Variants in PTPN11 observed in about 807,000 individuals in gnomAD.
PTPN11 encodes the protein tyrosine-protein phosphatase non-receptor type 11.
Under a neutral mutation model 78.8 loss-of-function variants are expected in PTPN11, and 6 were observed. The observed-to-expected ratio is 0.08, with a 90% CI of 0.04 to 0.15. The LOEUF is 0.15. Among genes scored for constraint, PTPN11 ranks in the 10% least tolerant of loss-of-function variants. PTPN11 has a pLI of 1.00. For missense variants in PTPN11, 386 were observed against 744.8 expected, an observed-to-expected ratio of 0.52 and a Z score of 5.61; for synonymous variants, 221 against 263.5, an observed-to-expected ratio of 0.84 and a Z score of 1.56.
rs1032356862 is a variant in PTPN11, at chr12:112,497,141, C to T, written c.1600-5003C>T. ...GAGCTGAGATTGAGCCACTGCACTCCAGTCTGGGCGACAGAGCGAGACTCT... is the reference window on the plus strand; with the variant it reads ...GAGCTGAGATTGAGCCACTGCACTCTAGTCTGGGCGACAGAGCGAGACTCT... On this transcript the variant is annotated intron_variant, in intron 13 of 15. Coordinates refer to ENST00000351677, the MANE Select transcript of PTPN11 (RefSeq NM_002834.5). Among the ~76,000 whole-genome samples, 4 of 145,342 alleles carry T rather than the reference C, an allele frequency of 2.8e-5. No individual in the cohort carries two copies. In the Admixed American group the frequency reaches 2.8e-4, roughly 10 times the overall value.
intron 1 of PTPN11, among the ~76,000 whole-genome samples, chr12:112,435,069 A>G (rs533340629): frequency 6.6e-6 from 1 of 151,828 alleles, no homozygotes; most frequent in African/African-American, 2.4e-5. Context: ...CCCAGGCTGG[A>G]GCTCAGTGGC....
intron 13 of PTPN11, among the ~76,000 whole-genome samples, chr12:112,501,593 C>G (rs1408245187): frequency 6.6e-6 from 1 of 152,178 alleles, no homozygotes; most frequent in Non-Finnish European, 1.5e-5. Flanking sequence ...CCACTGCACA[C>G]TAGCCTGAAC....
At chr12:112,434,792 G>T (rs1006835542) in intron 1 of PTPN11, among the ~76,000 whole-genome samples, 17 of 151,906 alleles carry the variant, frequency 1.1e-4, no homozygotes, top group Non-Finnish European at 2.2e-4. Context: ...TTGTGGGTTT[G>T]TTTGTTTTTT....
At chr12:112,420,147 A>G (rs2037499116) in intron 1 of PTPN11, among the ~76,000 whole-genome samples, 1 of 152,070 alleles carries the variant, frequency 6.6e-6, no homozygotes, top group Admixed American at 6.6e-5. Context: ...TGTAAGCCTT[A>G]ATTTTGTTGT....
intron 1 of PTPN11, among the ~76,000 whole-genome samples, chr12:112,434,953 A>G (rs2037767277): frequency 6.6e-6 from 1 of 151,508 alleles, no homozygotes; most frequent in South Asian, 2.1e-4. Flanking sequence ...TGCCCAGTTA[A>G]TTTTTGTATT....
At chr12:112,468,559 A>G (rs1276834833) in intron 6 of PTPN11, among the ~76,000 whole-genome samples, 1 of 152,178 alleles carries the variant, frequency 6.6e-6, no homozygotes, top group African/African-American at 2.4e-5. Flanking sequence ...TTGGTGCACT[A>G]GGGAAGGAGC....
intron 1 of PTPN11, among the ~76,000 whole-genome samples, 178 bp downstream of exon 1, chr12:112,419,303 G>GC (rs1341722766): frequency 2.6e-5 from 4 of 151,954 alleles, no homozygotes; most frequent in African/African-American, 9.7e-5. Context: ...GCCCCACCGC[G>GC]CCCCCACCCC....
At chr12:112,433,707 T>C (rs1233149198) in intron 1 of PTPN11, among the ~76,000 whole-genome samples, 1 of 152,186 alleles carries the variant, frequency 6.6e-6, no homozygotes, top group African/African-American at 2.4e-5. Flanking sequence ...TCTCAACACT[T>C]TGGGTGGCCA....
chr12:112,508,345 GTTTAC>G lies in PTPN11; in HGVS notation c.*2559_*2563del, dbSNP rs1191873668. 1 of 152,408 alleles carries G rather than the reference GTTTAC, an allele frequency of 6.6e-6. No individual in the cohort carries two copies. Among genetic ancestry groups the G allele is most frequent in the African/African-American group, 2.4e-5 (1 of 41,568 alleles). 9.4% of individuals were successfully genotyped at this position (152,408 alleles called of 1,614,324 possible). A position where few individuals can be genotyped will look rare whatever the true frequency, so the allele number is the denominator to read the frequency against. On this transcript the variant is annotated 3_prime_UTR_variant, in exon 16 of 16. Coordinates refer to ENST00000351677, the MANE Select transcript of PTPN11 (RefSeq NM_002834.5). ...AAGGTGATCGCAGGTTCTCAGACGAGTTTACTTTACATGAGATGGAATCAGGCAGA... is the reference window on the plus strand; with the variant it reads ...AAGGTGATCGCAGGTTCTCAGACGAGTTTACATGAGATGGAATCAGGCAGA...
intron 1 of PTPN11, among the ~76,000 whole-genome samples, chr12:112,419,590 G>T (rs1301478677): frequency 2.0e-5 from 3 of 152,222 alleles, no homozygotes; most frequent in Non-Finnish European, 4.4e-5. Context: ...TGCCACTTTC[G>T]TGCATTTGGG....
chr12:112,490,995 C>T (rs548207501), intron 13 of PTPN11, among the ~76,000 whole-genome samples: 5 of 152,030 alleles, frequency 3.3e-5, no homozygotes, highest in South Asian at 2.1e-4. Flanking sequence ...TTCTAAAATA[C>T]AGTCATTTCT....
At chr12:112,501,351 T>G (rs2038872450) in intron 13 of PTPN11, among the ~76,000 whole-genome samples, 1 of 152,094 alleles carries the variant, frequency 6.6e-6, no homozygotes, top group Non-Finnish European at 1.5e-5. Flanking sequence ...CAGGTGTGTG[T>G]TGGCTCATGC....
At chr12:112,484,196 T>G (rs2038639862) in intron 10 of PTPN11, among the ~76,000 whole-genome samples, 1 of 151,906 alleles carries the variant, frequency 6.6e-6, no homozygotes, top group Non-Finnish European at 1.5e-5. Context: ...ATAGAATATA[T>G]GAAGAAAGGG....
intron 2 of PTPN11, among the ~76,000 whole-genome samples, chr12:112,448,761 T>C (rs2038031775): frequency 6.6e-6 from 1 of 152,238 alleles, no homozygotes; most frequent in Admixed American, 6.5e-5. Context: ...TTTAAAATGA[T>C]ATATAATGCC....
chr12:112,474,269 T>C (rs1382321063), intron 7 of PTPN11, among the ~76,000 whole-genome samples: 3 of 152,026 alleles, frequency 2.0e-5, no homozygotes, highest in Non-Finnish European at 4.4e-5. Flanking sequence ...GGCAGGAGAA[T>C]CGCTTGAACC....
In PTPN11 at chr12:112,450,416, A is replaced by G. The variant is rs121918466; in HGVS notation, c.236A>G (p.Gln79Arg). 6.2e-7 allele frequency: 1 copy of G among 1,613,916 alleles called. No homozygotes were observed. Among genetic ancestry groups the G allele is most frequent in the Non-Finnish European group, 8.5e-7 (1 of 1,179,802 alleles). ...TTTGCCACTTTGGCTGAGTTGGTCCAGTATTACATGGAACATCACGGGCAA... is the reference window on the plus strand; with the variant it reads ...TTTGCCACTTTGGCTGAGTTGGTCCGGTATTACATGGAACATCACGGGCAA... ...EKFATLAELVQYYMEHHGQLK... is the reference protein window; with the variant it reads ...EKFATLAELVRYYMEHHGQLK... The change falls in exon 3 of 16, where the codon CAG becomes CGG. Residue 79 changes from glutamine (Q) to arginine (R), a missense_variant. Around this residue, in one of 3 missense-constraint regions of PTPN11, gnomAD observed 279 missense variants for 503.3 expected, o/e 0.55. Transcript: ENST00000351677.
chr12:112,419,133 G>T lies in PTPN11; in HGVS notation c.14+8G>T, dbSNP rs886048965. The T allele has an allele frequency of 6.6e-7, 1 of 1,512,396 alleles. No homozygotes were observed. The allele number at this position is 1,512,396 out of a possible 1,614,324, so 93.7% of individuals were successfully genotyped here. A position where few individuals can be genotyped will look rare whatever the true frequency, so the allele number is the denominator to read the frequency against. On this transcript the variant is annotated splice_region_variant and intron_variant, in intron 1 of 15. Transcript: ENST00000351677. ...GAACATGACATCGCGGAGGTGAGGA[G>T]CCCCGAGGGGCCCGGCGCGGGCCTC...
At chr12:112,439,622 C>G (rs1170096978) in intron 1 of PTPN11, among the ~76,000 whole-genome samples, 1 of 152,002 alleles carries the variant, frequency 6.6e-6, no homozygotes, top group African/African-American at 2.4e-5. Context: ...GCGCGCACCA[C>G]CATACTTGGC....
Position 112,507,722 on chromosome 12 carries a change from T to A in PTPN11, c.*1930T>A, listed in dbSNP as rs1346607386. 6.6e-6 allele frequency: 1 copy of A among 152,614 alleles called. No individual in the cohort carries two copies. Among genetic ancestry groups the A allele is most frequent in the East Asian group, 1.9e-4 (1 of 5,210 alleles). 9.5% of individuals were successfully genotyped at this position (152,614 alleles called of 1,614,324 possible). A position where few individuals can be genotyped will look rare whatever the true frequency, so the allele number is the denominator to read the frequency against. On this transcript the variant is annotated 3_prime_UTR_variant, in exon 16 of 16. Coordinates refer to ENST00000351677, the MANE Select transcript of PTPN11 (RefSeq NM_002834.5). Reference sequence around the variant, plus strand: ...TTGGCTTCTGAAAGGAAGGCCTAGATCCAGCCCTGGTGGTAGTTCCTTTCT... The same window carrying A: ...TTGGCTTCTGAAAGGAAGGCCTAGAACCAGCCCTGGTGGTAGTTCCTTTCT...
Sources: gnomAD v4.1 joint callset for allele counts (sites outside exome capture counted in the v4.1 genomes callset) on GRCh38, gnomAD v4.1.1 for gene constraint, gnomAD v4.1.1 regional missense constraint, MANE v1.5 for transcripts, NCBI Gene and HGNC (gene_info 2026-07-23, HGNC 2026-07-21) for gene names.